LCOR: variants seen among roughly 807,000 people sequenced by gnomAD.
LCOR encodes the protein ligand-dependent corepressor.
Under a neutral mutation model 64.4 loss-of-function variants are expected in LCOR, and 14 were observed. The ratio of observed to expected loss-of-function variants is 0.22; its 90% CI spans 0.14 to 0.34. The LOEUF (loss-of-function observed/expected upper bound fraction) is 0.34. LCOR is among the 10% of genes least tolerant of loss of function. LCOR has a pLI of 1.00. For synonymous variants in LCOR, 643 were observed against 642.5 expected (o/e 1.00, Z -0.01); for missense variants, 1,686 against 1,765.3 (o/e 0.96, Z 0.80).
chr10:96,874,182 G>A (rs2134410089), intron 2 of LCOR, among the ~76,000 whole-genome samples: 1 of 152,300 alleles, frequency 6.6e-6, no homozygotes, highest in South Asian at 2.1e-4. Context: ...AGATCAATAT[G>A]CTTGTAAGTT....
intron 7 of LCOR, chr10:96,955,092 C>A: frequency 6.2e-7 from 1 of 1,614,196 alleles, no homozygotes; most frequent in Non-Finnish European, 8.5e-7. Flanking sequence ...TCGATCCCTG[C>A]AGATTAGTGA....
At chr10:96,932,277 TTAAG>T (rs1488641844) in intron 4 of LCOR, among the ~76,000 whole-genome samples, 5 of 152,060 alleles carry the variant, frequency 3.3e-5, no homozygotes, top group Admixed American at 6.5e-5. Flanking sequence ...GCTTGGAAAA[TTAAG>T]TGTTATTCAG....
At chr10:96,965,220 A>G (rs1373646372) in intron 7 of LCOR, among the ~76,000 whole-genome samples, 2 of 151,306 alleles carry the variant, frequency 1.3e-5, no homozygotes, top group African/African-American at 4.9e-5. Flanking sequence ...AATGTTAGCC[A>G]GGATGGTCTT....
intron 7 of LCOR, chr10:96,961,867 C>T (rs959792084): frequency 3.5e-5 from 5 of 142,640 alleles, no homozygotes; most frequent in African/African-American, 1.3e-4. Context: ...TCCTAAAAGT[C>T]TTTTTTTTTT....
At position 96,987,947 on chromosome 10, in the gene LCOR, C is replaced by A. The variant is rs1848162802; in HGVS notation, c.*2813C>A. 1 of 152,240 alleles carries A rather than the reference C, an allele frequency of 6.6e-6. No homozygotes were observed. Among genetic ancestry groups the A allele is most frequent in the South Asian group, 2.1e-4 (1 of 4,832 alleles). The allele number at this position is 152,240 out of a possible 1,614,324, so 9.4% of individuals were successfully genotyped here. A position where few individuals can be genotyped will look rare whatever the true frequency, so the allele number is the denominator to read the frequency against. ...AAAGCAGTCCATCCCACATTCCGAT[C>A]CAAATCAGAAAGGAATTCTCCTGGG... is the stretch of plus-strand genomic sequence containing the variant. On this transcript the variant is annotated 3_prime_UTR_variant, in exon 8 of 8. Transcript: ENST00000421806.
chr10:96,971,480 C>G (rs1589689793), intron 7 of LCOR, among the ~76,000 whole-genome samples: 1 of 152,216 alleles, frequency 6.6e-6, no homozygotes, highest in East Asian at 1.9e-4. Context: ...GGTTCACAGT[C>G]CATGGAGAAG....
intron 2 of LCOR, among the ~76,000 whole-genome samples, chr10:96,873,571 C>CAT (rs759335426): frequency 2.4e-5 from 3 of 126,386 alleles, no homozygotes; most frequent in African/African-American, 8.4e-5. Flanking sequence ...CACACACACA[C>CAT]GTGTGTGTGT....
intron 2 of LCOR, among the ~76,000 whole-genome samples, chr10:96,833,989 C>A (rs1335288564): frequency 1.3e-5 from 2 of 152,158 alleles, no homozygotes; most frequent in African/African-American, 4.8e-5. Flanking sequence ...GTGTTTGAGC[C>A]TTCTGGCTTG....
chr10:96,954,660 C>T (rs577831964), intron 7 of LCOR, among the ~76,000 whole-genome samples: 2 of 151,880 alleles, frequency 1.3e-5, no homozygotes, highest in African/African-American at 2.4e-5. Context: ...GACAGTTGCG[C>T]GAAACTTTTT....
chr10:96,875,299 G>T (rs921282227), intron 2 of LCOR, among the ~76,000 whole-genome samples: 3 of 151,988 alleles, frequency 2.0e-5, no homozygotes, highest in African/African-American at 7.2e-5. Context: ...CAGGAGAATG[G>T]CATGAACCCA....
At chr10:96,848,686 A>G (rs1415055648) in intron 2 of LCOR, among the ~76,000 whole-genome samples, 1 of 152,090 alleles carries the variant, frequency 6.6e-6, no homozygotes, top group African/African-American at 2.4e-5. Context: ...ACAAAAAATA[A>G]AAACTGGATG....
At chr10:96,915,175 C>A (rs1438363468) in intron 4 of LCOR, among the ~76,000 whole-genome samples, 2 of 152,050 alleles carry the variant, frequency 1.3e-5, no homozygotes, top group Non-Finnish European at 2.9e-5. Context: ...CCCCTTCCCC[C>A]AAAAACGACA....
At chr10:96,876,263 G>A (rs1200730431) in intron 2 of LCOR, among the ~76,000 whole-genome samples, 1 of 152,178 alleles carries the variant, frequency 6.6e-6, no homozygotes, top group Non-Finnish European at 1.5e-5. Flanking sequence ...GCCAGCTCAG[G>A]TCTGTCTTCC....
At chr10:96,854,635 C>G (rs1435934416) in intron 2 of LCOR, among the ~76,000 whole-genome samples, 2 of 152,132 alleles carry the variant, frequency 1.3e-5, no homozygotes, top group African/African-American at 2.4e-5. Context: ...CCCATTTCTT[C>G]ATATTCATGT....
At position 96,881,079 on chromosome 10, in the gene LCOR, C is replaced by T. The variant is rs904979235; in HGVS notation, c.-329-26186C>T. On this transcript the variant is annotated intron_variant, in intron 2 of 7. Coordinates refer to ENST00000421806, the MANE Select transcript of LCOR (RefSeq NM_001346516.2). Reference sequence around the variant, plus strand: ...GTCTCAAGATCTAAGGGTGGTTTTTCGTGAAGTGGGGACAGAGATTGTATA... The same window carrying T: ...GTCTCAAGATCTAAGGGTGGTTTTTTGTGAAGTGGGGACAGAGATTGTATA... Among the ~76,000 whole-genome samples, 15 of 152,108 alleles carry T rather than the reference C, an allele frequency of 9.9e-5. No homozygotes were observed. In the East Asian group the frequency reaches 2.5e-3, roughly 25 times the overall value.
chr10:96,891,399 T>C (rs1201914161), intron 2 of LCOR, among the ~76,000 whole-genome samples: 1 of 151,492 alleles, frequency 6.6e-6, no homozygotes, highest in Non-Finnish European at 1.5e-5. Context: ...CTCTTCTTTT[T>C]TCTTGGTCTG....
rs970896077 is a variant in LCOR at position 96,989,719 on chromosome 10, T to A, written c.*4585T>A. ...TATTTTTTTTTTTTTTTTTTTTTTT[T>A]AATAGAGACGAGGTTACGCTATGTT... On this transcript the variant is annotated 3_prime_UTR_variant, in exon 8 of 8. Coordinates refer to ENST00000421806, the MANE Select transcript of LCOR (RefSeq NM_001346516.2). The A allele has an allele frequency of 5.5e-5, 7 of 128,278 alleles. No homozygotes were observed. The highest frequency in any genetic ancestry group is 9.9e-5 in the African/African-American group (3 of 30,300). 7.9% of individuals were successfully genotyped at this position (128,278 alleles called of 1,614,324 possible).
At chr10:96,911,388 C>T (rs1177463937) in intron 4 of LCOR, among the ~76,000 whole-genome samples, 1 of 152,234 alleles carries the variant, frequency 6.6e-6, no homozygotes, top group South Asian at 2.1e-4. Context: ...TGAGCCACCA[C>T]GCCCTGCCAC....
chr10:96,874,145 C>CT (rs1373550722), intron 2 of LCOR, among the ~76,000 whole-genome samples: 1 of 152,158 alleles, frequency 6.6e-6, no homozygotes, highest in East Asian at 1.9e-4. Flanking sequence ...CTATAAAACT[C>CT]TATTAGATAT....
Sources: allele counts gnomAD v4.1 joint callset (sites outside exome capture counted in the v4.1 genomes callset), GRCh38; gene constraint gnomAD v4.1.1; transcripts MANE v1.5; gene names NCBI Gene and HGNC (gene_info 2026-07-23, HGNC 2026-07-21).